KAZN: variants seen among roughly 807,000 people sequenced by gnomAD.
KAZN encodes kazrin.
KAZN carries 40 observed loss-of-function variants against 87.4 expected under a neutral mutation model. That is an observed-to-expected ratio of 0.46 (90% CI 0.36 to 0.60). The LOEUF (loss-of-function observed/expected upper bound fraction) is 0.60, where lower values mean the gene tolerates loss of function less well. Ranked by LOEUF, KAZN falls within the 20% of genes least tolerant of loss-of-function variation. The pLI, the probability that KAZN is intolerant of heterozygous loss-of-function variation, is 0.00. For missense variants in KAZN, 898 were observed against 1,073.9 expected, an observed-to-expected ratio of 0.84 and a Z score of 2.29; for synonymous variants, 466 against 458.3, an observed-to-expected ratio of 1.02 and a Z score of -0.22.
chr1:14,465,493 C>T (rs1668075803), intron 2 of KAZN, among the ~76,000 whole-genome samples: 1 of 151,754 alleles, frequency 6.6e-6, no homozygotes, highest in Non-Finnish European at 1.5e-5. Flanking sequence ...CTTGGAGCAC[C>T]TGCATAGCTT....
At chr1:14,048,477 C>T (rs113718521) in intron 1 of KAZN, among the ~76,000 whole-genome samples, 19 of 151,294 alleles carry the variant, frequency 1.3e-4, no homozygotes, top group African/African-American at 3.9e-4. Context: ...GATCTTGGCT[C>T]ACTGCAACCT....
intron 1 of KAZN, among the ~76,000 whole-genome samples, chr1:14,062,248 C>T (rs933913858): frequency 3.9e-5 from 6 of 152,084 alleles, no homozygotes; most frequent in Admixed American, 2.0e-4. Context: ...ACAAAAACGA[C>T]GGGACAGAGT....
At chr1:15,100,122 T>C (rs112458633) in intron 10 of KAZN, among the ~76,000 whole-genome samples, 4,323 of 152,222 alleles carry the variant, frequency 0.028, 200 homozygotes, top group African/African-American at 0.097. Context: ...GTGGAGAATT[T>C]GGGAGCCCTC....
chr1:14,575,858 G>A lies in KAZN; in HGVS notation c.250-23125G>A, dbSNP rs377119371. Among the ~76,000 whole-genome samples the A allele has an allele frequency of 7.9e-5, 12 of 152,254 alleles. No homozygotes were observed. The South Asian group carries it at 2.5e-3, about 32-fold the overall frequency. On this transcript the variant is annotated intron_variant, in intron 2 of 16. Coordinates refer to the KAZN transcript ENST00000636203. ...AGCCTGAAAGCTTCTGGGATGAGGG[G>A]GACAGTGTCTATACCTTTATTGTCC...
chr1:14,022,571 G>A lies in KAZN; in HGVS notation c.91+128815G>A, dbSNP rs147728982. On this transcript the variant is annotated intron_variant, in intron 1 of 16. Coordinates refer to the KAZN transcript ENST00000636203. ...ACAAAAACTGTGGATTTTATATGTC[G>A]TATGATGCAGCGTTTCTATAATATT... Among the ~76,000 whole-genome samples, 472 of 149,958 alleles carry A rather than the reference G, an allele frequency of 3.1e-3. 1 individual carries two copies. The highest frequency in any genetic ancestry group is 8.0e-3 in the Admixed American group (120 of 15,026).
chr1:14,806,173 A>G (rs1273404679), intron 1 of KAZN, among the ~76,000 whole-genome samples: 2 of 152,112 alleles, frequency 1.3e-5, no homozygotes, highest in African/African-American at 2.4e-5. Context: ...AAAAGCCTGA[A>G]GCTCCTCAAG....
At chr1:15,046,222 C>T (rs760479775) in intron 4 of KAZN, among the ~76,000 whole-genome samples, 15 of 148,036 alleles carry the variant, frequency 1.0e-4, no homozygotes, top group South Asian at 8.5e-4. Context: ...CGTTTGAACC[C>T]GGGAGGCGGA....
intron 1 of KAZN, among the ~76,000 whole-genome samples, chr1:13,925,021 A>G (rs180929356): frequency 6.6e-6 from 1 of 152,366 alleles, no homozygotes. Context: ...AGTCAAATTT[A>G]GAGCATTTTT....
intron 1 of KAZN, among the ~76,000 whole-genome samples, chr1:14,943,176 C>T (rs1257326320): frequency 6.6e-6 from 1 of 151,490 alleles, no homozygotes; most frequent in Non-Finnish European, 1.5e-5. Flanking sequence ...GAATTGTGGG[C>T]AGAGCTAGCC....
chr1:14,794,052 T>C (rs987544496), intron 1 of KAZN, among the ~76,000 whole-genome samples: 1 of 152,192 alleles, frequency 6.6e-6, no homozygotes, highest in African/African-American at 2.4e-5. Context: ...AAGCAGCGTT[T>C]GCTAAAATCT....
At chr1:14,185,125 C>T (rs975151404) in intron 2 of KAZN, among the ~76,000 whole-genome samples, 1 of 152,156 alleles carries the variant, frequency 6.6e-6, no homozygotes, top group African/African-American at 2.4e-5. Flanking sequence ...AAGAAGGTCA[C>T]AGATGCTGGC....
At chr1:14,096,347 T>C (rs947538733) in intron 1 of KAZN, among the ~76,000 whole-genome samples, 2 of 152,160 alleles carry the variant, frequency 1.3e-5, no homozygotes, top group South Asian at 2.1e-4. Context: ...ACCACCTCTT[T>C]CAACTGATGC....
intron 1 of KAZN, among the ~76,000 whole-genome samples, chr1:14,617,068 G>A (rs548122224): frequency 1.2e-4 from 19 of 152,272 alleles, no homozygotes; most frequent in Admixed American, 3.9e-4. Context: ...GTGTGACTCC[G>A]TTCCTTTCAC....
intron 1 of KAZN, among the ~76,000 whole-genome samples, chr1:13,990,832 G>C (rs955669445): frequency 2.0e-5 from 3 of 152,204 alleles, no homozygotes; most frequent in African/African-American, 7.2e-5. Flanking sequence ...TGCAATAAAT[G>C]TTAATTGTAG....
At chr1:15,085,495 T>C (rs779629625) in intron 8 of KAZN, among the ~76,000 whole-genome samples, 23 of 152,124 alleles carry the variant, frequency 1.5e-4, no homozygotes, top group Non-Finnish European at 3.4e-4. Flanking sequence ...GCCCAGCTAA[T>C]TTTTGTATTT....
intron 8 of KAZN, among the ~76,000 whole-genome samples, chr1:15,070,766 G>A (rs987204545): frequency 3.3e-5 from 5 of 152,166 alleles, no homozygotes; most frequent in East Asian, 3.8e-4. Flanking sequence ...TCTTGAGCTC[G>A]GGATGTCGAG....
At chr1:13,908,588 G>A (rs1382413647) in intron 1 of KAZN, among the ~76,000 whole-genome samples, 2 of 152,202 alleles carry the variant, frequency 1.3e-5, no homozygotes, top group Admixed American at 6.5e-5. Context: ...GAGCCGTGTC[G>A]AAGCCAGATG....
intron 2 of KAZN, among the ~76,000 whole-genome samples, chr1:14,202,953 C>A (rs547474642): frequency 6.6e-6 from 1 of 151,914 alleles, no homozygotes. Context: ...GGAGGCAGAG[C>A]TTGCCGTGAG....
chr1:14,496,307 G>A (rs147735387), intron 2 of KAZN, among the ~76,000 whole-genome samples: 1 of 152,250 alleles, frequency 6.6e-6, no homozygotes, highest in African/African-American at 2.4e-5. Flanking sequence ...TAGAAACAAG[G>A]AATGTTTGAA....
Sources: gnomAD v4.1 joint callset for allele counts (sites outside exome capture counted in the v4.1 genomes callset) on GRCh38, gnomAD v4.1.1 for gene constraint, MANE v1.5 for transcripts, NCBI Gene and HGNC (gene_info 2026-07-23, HGNC 2026-07-21) for gene names.